FBXL17: variants seen among roughly 807,000 people sequenced by gnomAD.
The protein encoded by FBXL17 is F-box and leucine rich repeat protein 17, also known as F-box/LRR-repeat protein 17.
Under a neutral mutation model 66.2 loss-of-function variants are expected in FBXL17, and 22 were observed. The observed-to-expected ratio is 0.33, with a 90% CI of 0.24 to 0.47. The LOEUF (loss-of-function observed/expected upper bound fraction) is 0.47. Ranked by LOEUF, FBXL17 falls within the 20% of genes least tolerant of loss-of-function variation. The pLI is 1.00. For missense variants in FBXL17, 878 were observed against 948.2 expected (o/e 0.93, Z 0.97); for synonymous variants, 474 against 400.5 (o/e 1.18, Z -2.19).
intron 6 of FBXL17, among the ~76,000 whole-genome samples, chr5:108,133,228 C>CCT (rs1751004376): frequency 6.6e-6 from 1 of 152,134 alleles, no homozygotes; most frequent in Non-Finnish European, 1.5e-5. Context: ...TAAACCACCT[C>CCT]CTCTTTATCT....
intron 7 of FBXL17, among the ~76,000 whole-genome samples, chr5:107,900,615 A>ACAGCATGTAAAG (rs70996969): frequency 4.6e-5 from 7 of 151,600 alleles, no homozygotes; most frequent in Non-Finnish European, 8.8e-5. Flanking sequence ...AGATATGCTT[A>ACAGCATGTAAAG]TAACTACTAT....
chr5:108,229,042 G>A (rs1755214611), intron 4 of FBXL17, among the ~76,000 whole-genome samples: 1 of 151,968 alleles, frequency 6.6e-6, no homozygotes. Flanking sequence ...CAGCAGCACT[G>A]ACGTCACTTT....
At chr5:107,931,167 A>C (rs1465845297) in intron 7 of FBXL17, among the ~76,000 whole-genome samples, 3 of 152,164 alleles carry the variant, frequency 2.0e-5, no homozygotes, top group African/African-American at 7.2e-5. Flanking sequence ...TGTTGGCCTC[A>C]ACTAGATTGA....
intron 6 of FBXL17, among the ~76,000 whole-genome samples, chr5:108,051,093 A>C (rs1458136473): frequency 6.6e-6 from 1 of 152,230 alleles, no homozygotes; most frequent in Middle Eastern, 3.2e-3. Flanking sequence ...GGCAGTGATT[A>C]ATAGCCTACC....
At chr5:108,141,206 G>A (rs1337949497) in intron 6 of FBXL17, among the ~76,000 whole-genome samples, 3 of 152,146 alleles carry the variant, frequency 2.0e-5, no homozygotes, top group Non-Finnish European at 4.4e-5. Flanking sequence ...CTACCTGGAA[G>A]AACAGATCAT....
At chr5:107,941,306 T>C (rs762929497) in intron 7 of FBXL17, among the ~76,000 whole-genome samples, 3 of 152,188 alleles carry the variant, frequency 2.0e-5, no homozygotes, top group Non-Finnish European at 4.4e-5. Flanking sequence ...TCCATGATTC[T>C]CTATCATTGC....
Position 108,145,590 on chromosome 5 carries a change from G to C in FBXL17, c.1745+40527C>G, listed in dbSNP as rs146427791. On this transcript the variant is annotated intron_variant, in intron 6 of 8. Coordinates refer to ENST00000542267, the MANE Select transcript of FBXL17 (RefSeq NM_001163315.3). ...GAAGTGTCTTACAATGTTTACTATG[G>C]GGAAGTCAGGGATATGAAACAGGTT... Among the ~76,000 whole-genome samples, 14 of 152,112 alleles carry C rather than the reference G, an allele frequency of 9.2e-5. No individual in the cohort carries two copies. The East Asian group carries it at 2.5e-3, about 27-fold the overall frequency.
chr5:107,868,320 T>C (rs1197790206), intron 8 of FBXL17, among the ~76,000 whole-genome samples: 1 of 152,242 alleles, frequency 6.6e-6, no homozygotes, highest in Non-Finnish European at 1.5e-5. Flanking sequence ...ATAAAAGAGA[T>C]TGCAGTTTGC....
At chr5:108,203,528 CA>C (rs1179568879) in intron 5 of FBXL17, among the ~76,000 whole-genome samples, 2 of 151,908 alleles carry the variant, frequency 1.3e-5, no homozygotes, top group South Asian at 4.2e-4. Context: ...CATGGTCATC[CA>C]AAAAAACCCT....
chr5:108,009,232 T>TATAC lies in FBXL17; in HGVS notation c.1822+11692_1822+11693insGTAT, dbSNP rs1298294744. 2.6e-4 allele frequency among the ~76,000 whole-genome samples: 5 copies of TATAC among 19,000 alleles called. 1 individual carries two copies. Among genetic ancestry groups the TATAC allele is most frequent in the African/African-American group, 7.5e-4 (4 of 5,330 alleles). 12.5% of individuals were successfully genotyped at this position (19,000 alleles called of 152,430 possible). A position where few individuals can be genotyped will look rare whatever the true frequency, so the allele number is the denominator to read the frequency against. ...ATATATATATATATATATATATATA[T>TATAC]ACAGCTTGGTCGTGAGTTGTTCCCT... is the stretch of plus-strand genomic sequence containing the variant. On this transcript the variant is annotated intron_variant, in intron 7 of 8. Coordinates refer to ENST00000542267, the MANE Select transcript of FBXL17 (RefSeq NM_001163315.3).
chr5:108,283,695 C>G (rs1757789150), intron 4 of FBXL17, among the ~76,000 whole-genome samples: 1 of 151,708 alleles, frequency 6.6e-6, no homozygotes, highest in Non-Finnish European at 1.5e-5. Flanking sequence ...CTTAATTAAA[C>G]TAAAAGGGTT....
chr5:107,943,431 C>G (rs1751179942), intron 7 of FBXL17, among the ~76,000 whole-genome samples: 2 of 152,128 alleles, frequency 1.3e-5, no homozygotes, highest in African/African-American at 4.8e-5. Flanking sequence ...TTCCCTTTCC[C>G]TTACCACTAG....
chr5:108,295,759 G>T (rs1758320739), intron 4 of FBXL17, among the ~76,000 whole-genome samples: 1 of 151,846 alleles, frequency 6.6e-6, no homozygotes, highest in Admixed American at 6.6e-5. Context: ...TCACAAATTT[G>T]GCCTGTGCCT....
intron 7 of FBXL17, among the ~76,000 whole-genome samples, chr5:107,974,601 G>A (rs1197562033): frequency 1.3e-5 from 2 of 152,066 alleles, no homozygotes; most frequent in Non-Finnish European, 2.9e-5. Flanking sequence ...TTAAGGAACA[G>A]TGTTCGGTTA....
At chr5:108,240,363 C>T (rs1755801876) in intron 4 of FBXL17, among the ~76,000 whole-genome samples, 1 of 152,064 alleles carries the variant, frequency 6.6e-6, no homozygotes, top group Admixed American at 6.6e-5. Context: ...TGGCAGCACT[C>T]ATCATAAGCT....
At chr5:108,165,302 T>C (rs1752375347) in intron 6 of FBXL17, among the ~76,000 whole-genome samples, 1 of 146,080 alleles carries the variant, frequency 6.8e-6, no homozygotes, top group African/African-American at 2.5e-5. Context: ...GTGGGTAAGT[T>C]ACACATGGAT....
At chr5:108,346,781 T>C (rs961478940) in intron 4 of FBXL17, among the ~76,000 whole-genome samples, 1 of 152,244 alleles carries the variant, frequency 6.6e-6, no homozygotes, top group East Asian at 1.9e-4. Flanking sequence ...AATAACTTCA[T>C]TTACAAATGA....
intron 6 of FBXL17, among the ~76,000 whole-genome samples, chr5:108,100,616 T>C (rs1161034126): frequency 6.6e-6 from 1 of 152,318 alleles, no homozygotes; most frequent in East Asian, 1.9e-4. Context: ...AAATATGCTT[T>C]AGAAGAACTC....
At chr5:108,288,058 A>G (rs989297910) in intron 4 of FBXL17, among the ~76,000 whole-genome samples, 6 of 152,154 alleles carry the variant, frequency 3.9e-5, no homozygotes, top group Non-Finnish European at 8.8e-5. Flanking sequence ...GTGGGAGATA[A>G]CCACTGAGTA....
Sources: gnomAD v4.1 joint callset for allele counts (sites outside exome capture counted in the v4.1 genomes callset) on GRCh38, gnomAD v4.1.1 for gene constraint, MANE v1.5 for transcripts, NCBI Gene and HGNC (gene_info 2026-07-23, HGNC 2026-07-21) for gene names.